EPS8: variants seen among roughly 807,000 people sequenced by gnomAD.
EPS8 encodes EGFR pathway substrate 8, signaling adaptor.
In EPS8, 42 loss-of-function variants were observed where a neutral mutation model predicts 103.8. That is an observed-to-expected ratio of 0.40 (90% CI 0.32 to 0.52). The LOEUF is 0.52. Ranked by LOEUF, EPS8 falls within the 20% of genes least tolerant of loss-of-function variation. The pLI is 0.40. For missense variants in EPS8, 969 were observed against 1,005.1 expected, an observed-to-expected ratio of 0.96 and a Z score of 0.49; for synonymous variants, 344 against 344.6, an observed-to-expected ratio of 1.00 and a Z score of 0.02.
chr12:15,773,023 C>T (rs1455863237), intron 1 of EPS8, among the ~76,000 whole-genome samples: 1 of 152,130 alleles, frequency 6.6e-6, no homozygotes, highest in Non-Finnish European at 1.5e-5. Flanking sequence ...CCACAGTGGG[C>T]TCGCTGATGT....
At chr12:15,689,747 C>A (rs1946146943) in intron 1 of EPS8, among the ~76,000 whole-genome samples, 1 of 152,170 alleles carries the variant, frequency 6.6e-6, no homozygotes, top group Non-Finnish European at 1.5e-5. Context: ...TTTCTCCTAA[C>A]TGAAACTGTG....
chr12:15,769,673 T>C lies in EPS8; in HGVS notation c.-22+19488A>G, dbSNP rs957871125. On this transcript the variant is annotated intron_variant, in intron 1 of 20. Transcript: ENST00000281172. The surrounding 1 kb of genome is among the most constrained non-coding windows in gnomAD (Gnocchi z 4.6). ...CATCACGAGAATATTCAAGACTCTA[T>C]TGAATTTCTCCCCAAACAATGAACA... Among the ~76,000 whole-genome samples the C allele has an allele frequency of 1.3e-5, 2 of 152,192 alleles. No homozygotes were observed. Among genetic ancestry groups the C allele is most frequent in the Admixed American group, 6.5e-5 (1 of 15,270 alleles).
chr12:15,669,511 T>G lies in EPS8; in HGVS notation c.392A>C (p.Asn131Thr). The stretch of plus-strand genomic sequence containing the variant: ...CACAGCTTGGCAGTGCTGGATTGTG[T>G]TTAAAGGAAAATTCTCCAGTTCATT... ...SKNELENFPL[N>T]TIQHCQAVMH... Residue 131 changes from asparagine (N) to threonine (T), a missense_variant, in exon 6 of 21, where the codon AAC becomes ACC. Coordinates refer to ENST00000281172, the MANE Select transcript of EPS8 (RefSeq NM_004447.6). 1 of 1,604,270 alleles carries G rather than the reference T, an allele frequency of 6.2e-7. No homozygotes were observed. Among genetic ancestry groups the G allele is most frequent in the Non-Finnish European group, 8.5e-7 (1 of 1,176,464 alleles).
chr12:15,732,924 T>C (rs1946733111), intron 1 of EPS8, among the ~76,000 whole-genome samples: 1 of 152,160 alleles, frequency 6.6e-6, no homozygotes, highest in Admixed American at 6.5e-5. Flanking sequence ...TATAACGTTT[T>C]CTTGTAGACT....
chr12:15,778,731 G>A lies in EPS8; in HGVS notation c.-22+10430C>T, dbSNP rs374455388. Among the ~76,000 whole-genome samples the A allele has an allele frequency of 7.0e-4, 107 of 152,296 alleles. No homozygotes were observed. Among genetic ancestry groups the A allele is most frequent in the African/African-American group, 2.5e-3 (103 of 41,564 alleles). ...CAAAGAGAAATTGGAGATTATGTAC[G>A]CATGCATATAAACATAAACAAGCTG... On this transcript the variant is annotated intron_variant, in intron 1 of 20. Transcript: ENST00000281172. This position sits in a 1 kb window ranked among gnomAD's most constrained non-coding sequence, Gnocchi z 4.5.
Position 15,734,414 on chromosome 12 carries a change from G to T in EPS8, c.-21-51442C>A, listed in dbSNP as rs1424098939. 6.6e-6 allele frequency among the ~76,000 whole-genome samples: 1 copy of T among 152,244 alleles called. No homozygotes were observed. The highest frequency in any genetic ancestry group is 2.1e-4 in the South Asian group (1 of 4,814). ...TTCATGCTTAAAAAGATTCTCTGTG[G>T]TTGGGCACGGTGGCTCACACCTGTA... On this transcript the variant is annotated intron_variant, in intron 1 of 20. Transcript: ENST00000281172. This position sits in a 1 kb window ranked among gnomAD's most constrained non-coding sequence, Gnocchi z 4.1.
In EPS8 at chr12:15,698,002, C is replaced by T. The variant is rs570244173; in HGVS notation, c.-21-15030G>A. 7.2e-5 allele frequency among the ~76,000 whole-genome samples: 11 copies of T among 152,218 alleles called. No homozygotes were observed. The South Asian group carries it at 1.9e-3, about 26-fold the overall frequency. ...GAAATTTCTCTATGGGAACATATTTCCAGTTGTATAAAAGCTATCAATAAA... is the reference window on the plus strand; with the variant it reads ...GAAATTTCTCTATGGGAACATATTTTCAGTTGTATAAAAGCTATCAATAAA... On this transcript the variant is annotated intron_variant, in intron 1 of 20. Coordinates refer to ENST00000281172, the MANE Select transcript of EPS8 (RefSeq NM_004447.6). This position sits in a 1 kb window ranked among gnomAD's most constrained non-coding sequence, Gnocchi z 4.9.
At chr12:15,658,682 G>T (rs1439532147) in intron 10 of EPS8, 97 bp from the exon 11 acceptor site, 1 of 804,606 alleles carries the variant, frequency 1.2e-6, no homozygotes. Context: ...AAAGTTTGAA[G>T]ATCTCATCAG....
intron 1 of EPS8, among the ~76,000 whole-genome samples, chr12:15,692,696 A>G (rs1462848413): frequency 6.6e-6 from 1 of 151,986 alleles, no homozygotes; most frequent in Non-Finnish European, 1.5e-5. Flanking sequence ...CTCCTGGTCT[A>G]AGTCTCTACT....
At chr12:15,710,184 G>A (rs1227690055) in intron 1 of EPS8, among the ~76,000 whole-genome samples, 2 of 152,154 alleles carry the variant, frequency 1.3e-5, no homozygotes, top group African/African-American at 4.8e-5. Flanking sequence ...GCATAATGAG[G>A]AAAGGCATTT....
rs1947227992 is a variant in EPS8, at chr12:15,778,341, C to A, written c.-22+10820G>T. Among the ~76,000 whole-genome samples, 1 of 152,104 alleles carries A rather than the reference C, an allele frequency of 6.6e-6. No individual in the cohort carries two copies. Among genetic ancestry groups the A allele is most frequent in the Non-Finnish European group, 1.5e-5 (1 of 68,016 alleles). On this transcript the variant is annotated intron_variant, in intron 1 of 20. Coordinates refer to ENST00000281172, the MANE Select transcript of EPS8 (RefSeq NM_004447.6). The surrounding 1 kb of genome is among the most constrained non-coding windows in gnomAD (Gnocchi z 4.5). ...TGTGAATAATGCTACAAGTATTGGA[C>A]CAATGACCAGATTTTTATCACAGAA... is the stretch of plus-strand genomic sequence containing the variant.
rs148546858 is a variant in EPS8 at position 15,776,537 on chromosome 12, G to A, written c.-22+12624C>T. Among the ~76,000 whole-genome samples, 47 of 152,266 alleles carry A rather than the reference G, an allele frequency of 3.1e-4. No individual in the cohort carries two copies. The East Asian group carries it at 5.6e-3, about 18-fold the overall frequency. On this transcript the variant is annotated intron_variant, in intron 1 of 20. Transcript: ENST00000281172. This position sits in a 1 kb window ranked among gnomAD's most constrained non-coding sequence, Gnocchi z 4.2. ...TACCCAAAACCCAAATGATGCCCAC[G>A]TTAGCCCAATAACGTCAATGTTAGC...
chr12:15,691,091 G>C (rs777229630), intron 1 of EPS8, among the ~76,000 whole-genome samples: 9 of 151,756 alleles, frequency 5.9e-5, no homozygotes, highest in Non-Finnish European at 1.0e-4. Flanking sequence ...AAGCTTCACT[G>C]CTTATAAAGA....
At position 15,700,170 on chromosome 12, in the gene EPS8, A is replaced by G. The variant is rs547222517; in HGVS notation, c.-21-17198T>C. On this transcript the variant is annotated intron_variant, in intron 1 of 20. Transcript: ENST00000281172. The surrounding 1 kb of genome is among the most constrained non-coding windows in gnomAD (Gnocchi z 5.1). Reference sequence around the variant, plus strand: ...ACTCCATCTCAAAAACAACAACAACAAAAAAAGAAACTCTTCCCTAACCAA... The same window carrying G: ...ACTCCATCTCAAAAACAACAACAACGAAAAAAGAAACTCTTCCCTAACCAA... Among the ~76,000 whole-genome samples, 45 of 152,252 alleles carry G rather than the reference A, an allele frequency of 3.0e-4. 1 individual carries two copies. The South Asian group carries it at 9.1e-3, about 31-fold the overall frequency.
chr12:15,638,314 A>G (rs1945171208), intron 17 of EPS8, among the ~76,000 whole-genome samples: 1 of 152,120 alleles, frequency 6.6e-6, no homozygotes, highest in Non-Finnish European at 1.5e-5. Context: ...GAGAATAGGA[A>G]TCCTTTTAGA....
chr12:15,703,334 T>G (rs1411988484), intron 1 of EPS8, among the ~76,000 whole-genome samples: 1 of 152,158 alleles, frequency 6.6e-6, no homozygotes, highest in Non-Finnish European at 1.5e-5. Context: ...TGCATTTTAG[T>G]AAATGTTATT....
At position 15,670,873 on chromosome 12, in the gene EPS8, A is replaced by T. The variant is rs560410505; in HGVS notation, c.187T>A (p.Ser63Thr). The T allele has an allele frequency of 8.1e-6, 13 of 1,611,306 alleles. No individual in the cohort carries two copies. The African/African-American group carries it at 1.2e-4, about 15-fold the overall frequency. Residue 63 changes from serine to threonine, a missense_variant, in exon 4 of 21, where the codon TCT becomes ACT. Transcript: ENST00000281172. The part of the protein sequence containing the change: ...RDSVSSVSDI[S>T]QYRVEHLTTF... Reference sequence around the variant, plus strand: ...CATCTTACTTCAACACGGTATTGAGATATATCTGACACACTGCTGACACTG... The same window carrying T: ...CATCTTACTTCAACACGGTATTGAGTTATATCTGACACACTGCTGACACTG...
At position 15,705,124 on chromosome 12, in the gene EPS8, A is replaced by C. The variant is rs566271015; in HGVS notation, c.-21-22152T>G. On this transcript the variant is annotated intron_variant, in intron 1 of 20. Transcript: ENST00000281172. ...AGCTCGCTGGTCTAGTTTTATACCA[A>C]CTCCTATTTTCTGGTCCAGTTCTAA... Among the ~76,000 whole-genome samples the C allele has an allele frequency of 2.0e-5, 3 of 152,122 alleles. No individual in the cohort carries two copies. The South Asian group carries it at 6.2e-4, about 32-fold the overall frequency.
chr12:15,682,725 A>C (rs1946028705), intron 2 of EPS8, among the ~76,000 whole-genome samples, 168 bp downstream of exon 2: 1 of 152,218 alleles, frequency 6.6e-6, no homozygotes, highest in South Asian at 2.1e-4. Flanking sequence ...CTTATCAGAC[A>C]TAGTAAACTT....
Sources: allele counts gnomAD v4.1 joint callset (sites outside exome capture counted in the v4.1 genomes callset), GRCh38; gene constraint gnomAD v4.1.1; non-coding constraint Gnocchi (gnomAD v3.1); transcripts MANE v1.5; gene names NCBI Gene and HGNC (gene_info 2026-07-23, HGNC 2026-07-21).